SFMBT2: variants seen among roughly 807,000 people sequenced by gnomAD.
SFMBT2 encodes Scm like with four mbt domains 2.
SFMBT2 carries 38 observed loss-of-function variants against 110.1 expected under a neutral mutation model. That is an observed-to-expected ratio of 0.35 (90% CI 0.27 to 0.45). The LOEUF is 0.45. Ranked by LOEUF, SFMBT2 falls within the 20% of genes least tolerant of loss-of-function variation. SFMBT2 has a pLI of 1.00. For missense variants in SFMBT2, 1,011 were observed against 1,094.9 expected, an observed-to-expected ratio of 0.92 and a Z score of 1.08; for synonymous variants, 425 against 425.4, an observed-to-expected ratio of 1.00 and a Z score of 0.01.
At chr10:7,315,688 T>A (rs934746565) in intron 4 of SFMBT2, among the ~76,000 whole-genome samples, 1 of 152,224 alleles carries the variant, frequency 6.6e-6, no homozygotes, top group African/African-American at 2.4e-5. Flanking sequence ...TGGAGAACCC[T>A]GACTAGTCCA....
At chr10:7,372,920 C>T (rs761396937) in intron 2 of SFMBT2, among the ~76,000 whole-genome samples, 4 of 152,244 alleles carry the variant, frequency 2.6e-5, no homozygotes, top group Admixed American at 6.5e-5. Context: ...TCAGTAACTT[C>T]CAGCTCTACA....
In SFMBT2 at chr10:7,170,976, G is replaced by A. The variant is rs779236687; in HGVS notation, c.2496C>T (p.Phe832=). Reference sequence around the variant, plus strand: ...AGGGGGCACAGTCTGTCAGCTTAATGAACCTCACCACGTCGGTGACCGTCC... The same window carrying A: ...AGGGGGCACAGTCTGTCAGCTTAATAAACCTCACCACGTCGGTGACCGTCC... ...LEWTVTDVVR[F]IKLTDCAPLA... The change falls in exon 20 of 21, where the codon TTC becomes TTT. Residue 832 remains phenylalanine (F), a synonymous_variant. Coordinates refer to ENST00000397167, the MANE Select transcript of SFMBT2 (RefSeq NM_001387889.1). This position sits in a 1 kb window ranked among gnomAD's most constrained non-coding sequence, Gnocchi z 4.6. The A allele has an allele frequency of 6.2e-7, 1 of 1,614,202 alleles. No individual in the cohort carries two copies. The highest frequency in any genetic ancestry group is 2.2e-5 in the East Asian group (1 of 44,888).
chr10:7,394,564 T>G (rs1845872353), intron 1 of SFMBT2, among the ~76,000 whole-genome samples: 1 of 135,990 alleles, frequency 7.4e-6, no homozygotes, highest in Non-Finnish European at 1.5e-5. Flanking sequence ...CACTGCGTCC[T>G]TAGGTCTCTG....
intron 6 of SFMBT2, among the ~76,000 whole-genome samples, chr10:7,280,099 C>G (rs1841907065): frequency 1.3e-5 from 2 of 152,164 alleles, no homozygotes; most frequent in South Asian, 2.1e-4. Context: ...CTCTCTTGAT[C>G]TACTATGTGA....
intron 8 of SFMBT2, among the ~76,000 whole-genome samples, chr10:7,246,853 G>A (rs1240660513): frequency 6.6e-6 from 1 of 151,992 alleles, no homozygotes; most frequent in Non-Finnish European, 1.5e-5. Flanking sequence ...AGACAGATGG[G>A]CAGCCGGCAT....
At chr10:7,250,314 G>A (rs1164551744) in intron 7 of SFMBT2, among the ~76,000 whole-genome samples, 1 of 152,056 alleles carries the variant, frequency 6.6e-6, no homozygotes, top group African/African-American at 2.4e-5. Context: ...GGTCTAGCTC[G>A]CACTTCTAAG....
rs369479041 is a variant in SFMBT2 at position 7,349,440 on chromosome 10, C to CTTTTTTTTTTTTTTTTTTTTTTTTTTTT, written c.436+18208_436+18209insAAAAAAAAAAAAAAAAAAAAAAAAAAAA. ...CCCTGACTCTTTTTTCTTTTCTTTTCTTTTTTTTTTTTTTTTTTTTTTTTT... is the reference window on the plus strand; with the variant it reads ...CCCTGACTCTTTTTTCTTTTCTTTTCTTTTTTTTTTTTTTTTTTTTTTTTTTTTTTTTTTTTTTTTTTTTTTTTTTTTT... On this transcript the variant is annotated intron_variant, in intron 4 of 20. Transcript: ENST00000397167. Among the ~76,000 whole-genome samples, 22 of 46,888 alleles carry CTTTTTTTTTTTTTTTTTTTTTTTTTTTT rather than the reference C, an allele frequency of 4.7e-4. 7 individuals carry two copies. Among genetic ancestry groups the CTTTTTTTTTTTTTTTTTTTTTTTTTTTT allele is most frequent in the Non-Finnish European group, 7.1e-4 (20 of 28,230 alleles). The allele number at this position is 46,888 out of a possible 152,430, so 30.8% of individuals were successfully genotyped here.
chr10:7,214,736 C>T lies in SFMBT2; in HGVS notation c.1330+5675G>A, dbSNP rs1037979144. 80 of 985,362 alleles carry T rather than the reference C, an allele frequency of 8.1e-5. No individual in the cohort carries two copies. In the African/African-American group the frequency reaches 1.1e-3, roughly 14 times the overall value. The allele number at this position is 985,362 out of a possible 1,614,324, so 61.0% of individuals were successfully genotyped here. A position where few individuals can be genotyped will look rare whatever the true frequency, so the allele number is the denominator to read the frequency against. ...AAAACTTACTGTCCAAAGCTGTGCA[C>T]AGCACAGATTCCTAGCTTGATACCT... On this transcript the variant is annotated intron_variant, in intron 11 of 20. Transcript: ENST00000397167.
intron 4 of SFMBT2, among the ~76,000 whole-genome samples, chr10:7,323,470 C>CAAAAAA (rs34153060): frequency 1.7e-5 from 2 of 120,576 alleles, no homozygotes; most frequent in Admixed American, 9.4e-5. Flanking sequence ...AAAAAAAAAC[C>CAAAAAA]AAAAAAAAAA....
chr10:7,318,937 CAG>C (rs1203085089), intron 4 of SFMBT2, among the ~76,000 whole-genome samples: 2 of 152,272 alleles, frequency 1.3e-5, no homozygotes, highest in East Asian at 1.9e-4. Context: ...GTGTTCCAGG[CAG>C]AGAGTGCCGC....
At chr10:7,251,791 C>A (rs1314359447) in intron 7 of SFMBT2, among the ~76,000 whole-genome samples, 1 of 152,112 alleles carries the variant, frequency 6.6e-6, no homozygotes, top group Non-Finnish European at 1.5e-5. Context: ...CTGTGCAGGA[C>A]CCCTTTCCTC....
At chr10:7,348,230 G>A in intron 4 of SFMBT2, 1 of 1,441,246 alleles carries the variant, frequency 6.9e-7, no homozygotes, top group Non-Finnish European at 9.3e-7. Flanking sequence ...GTTCGTGTGG[G>A]ATCGGGGAGT....
chr10:7,290,153 G>A (rs1361678986), intron 4 of SFMBT2, among the ~76,000 whole-genome samples: 2 of 151,760 alleles, frequency 1.3e-5, no homozygotes, highest in Non-Finnish European at 2.9e-5. Flanking sequence ...AATGATCAGG[G>A]AGAAAAACAC....
At chr10:7,368,603 A>G (rs1186176892) in intron 3 of SFMBT2, among the ~76,000 whole-genome samples, 2 of 152,330 alleles carry the variant, frequency 1.3e-5, no homozygotes, top group East Asian at 3.9e-4. Flanking sequence ...CCAGGACACT[A>G]TATTGTGATT....
intron 2 of SFMBT2, among the ~76,000 whole-genome samples, chr10:7,378,908 G>A (rs970455145): frequency 6.6e-6 from 1 of 151,928 alleles, no homozygotes; most frequent in African/African-American, 2.4e-5. Context: ...TGCCCCCCAG[G>A]GTTTCAGAGC....
chr10:7,370,332 T>C lies in SFMBT2; in HGVS notation c.144A>G (p.Glu48=), dbSNP rs201982009. ...CACTTGCTCCTGTCTCTTCCAAATA[T>C]TCTCCCCAGTTAAAGCCAGTTTCCT... The part of the protein sequence containing the change: ...SLEETGFNWG[E]YLEETGASAA... The change falls in exon 3 of 21, where the codon GAA becomes GAG. Residue 48 remains glutamate, a synonymous_variant. Transcript: ENST00000397167. The C allele has an allele frequency of 2.8e-5, 46 of 1,614,156 alleles. No individual in the cohort carries two copies. The highest frequency in any genetic ancestry group is 3.2e-5 in the Non-Finnish European group (38 of 1,180,008).
At chr10:7,190,708 GGAGTTCA>G (rs1223552622) in intron 15 of SFMBT2, among the ~76,000 whole-genome samples, 6 of 152,226 alleles carry the variant, frequency 3.9e-5, no homozygotes, top group Non-Finnish European at 8.8e-5. Context: ...GCAAAACACT[GGAGTTCA>G]GTTCATTATG....
At position 7,284,078 on chromosome 10, in the gene SFMBT2, G is replaced by C; in HGVS notation, c.598C>G (p.Pro200Ala). The C allele has an allele frequency of 6.2e-7, 1 of 1,614,130 alleles. No homozygotes were observed. Among genetic ancestry groups the C allele is most frequent in the Non-Finnish European group, 8.5e-7 (1 of 1,180,034 alleles). Residue 200 changes from proline to alanine, a missense_variant, in exon 6 of 21, where the codon CCT (proline) becomes GCT (alanine). This residue lies in a region of SFMBT2 where 979 missense variants were observed against 1,016.1 expected (regional missense o/e 0.96). Coordinates refer to ENST00000397167, the MANE Select transcript of SFMBT2 (RefSeq NM_001387889.1). ...ACACTAACTATCCAGTACTGAAAAG[G>C]GTTCTGGGAATCCTGAAGTTCTATT... The part of the protein sequence containing the change: ...SLIELQDSQN[P>A]FQYWIVSVIE...
chr10:7,282,994 G>A (rs1841990060), intron 6 of SFMBT2, among the ~76,000 whole-genome samples: 1 of 152,212 alleles, frequency 6.6e-6, no homozygotes, highest in Non-Finnish European at 1.5e-5. Context: ...GCCGGTAAGA[G>A]GGGTGGGAGG....
Sources: gnomAD v4.1 joint callset for allele counts (sites outside exome capture counted in the v4.1 genomes callset) on GRCh38, gnomAD v4.1.1 for gene constraint, gnomAD v4.1.1 regional missense constraint, Gnocchi (gnomAD v3.1) non-coding constraint, MANE v1.5 for transcripts, NCBI Gene and HGNC (gene_info 2026-07-23, HGNC 2026-07-21) for gene names.